Variants in LRP12 observed in about 807,000 individuals in gnomAD.
The protein encoded by LRP12 is LDL receptor related protein 12.
Under a neutral mutation model 66.0 loss-of-function variants are expected in LRP12, and 14 were observed. That is an observed-to-expected ratio of 0.21 (90% CI 0.14 to 0.33). The LOEUF is 0.33. LRP12 is among the 10% of genes least tolerant of loss of function. LRP12 has a pLI of 1.00. For missense variants in LRP12, 889 were observed against 1,053.4 expected, an observed-to-expected ratio of 0.84 and a Z score of 2.16; for synonymous variants, 357 against 359.1, an observed-to-expected ratio of 0.99 and a Z score of 0.07.
chr8:104,492,332 TTC>T (rs916142203), intron 6 of LRP12, among the ~76,000 whole-genome samples: 1 of 152,202 alleles, frequency 6.6e-6, no homozygotes, highest in Non-Finnish European at 1.5e-5. Flanking sequence ...AAAAAATCTA[TTC>T]TTTTTTCTAG....
At chr8:104,503,486 T>C (rs1810862086) in intron 3 of LRP12, among the ~76,000 whole-genome samples, 1 of 152,156 alleles carries the variant, frequency 6.6e-6, no homozygotes, top group African/African-American at 2.4e-5. Context: ...GTTTTTTAAA[T>C]GCTTCATAGT....
intron 1 of LRP12, among the ~76,000 whole-genome samples, chr8:104,547,817 A>G (rs866976242): frequency 3.4e-3 from 424 of 126,458 alleles, no homozygotes; most frequent in African/African-American, 0.012. Flanking sequence ...ATAATTCTAT[A>G]TACTTTGTAT....
rs770846647 is a variant in LRP12, at chr8:104,588,961, ACGACGCCGACGC to A, written c.-76_-65del. On this transcript the variant is annotated 5_prime_UTR_variant, in exon 1 of 7. Transcript: ENST00000276654. ...AGGAGGGAGGAGAAGCTGGAGGTAGACGACGCCGACGCCGCCGCCGCCGCCGCCGCCGCCGCC... is the reference window on the plus strand; with the variant it reads ...AGGAGGGAGGAGAAGCTGGAGGTAGACGCCGCCGCCGCCGCCGCCGCCGCC... 5.3e-5 allele frequency: 52 copies of A among 972,258 alleles called. No individual in the cohort carries two copies. In the African/African-American group the frequency reaches 1.9e-3, roughly 36 times the overall value. 60.2% of individuals were successfully genotyped at this position (972,258 alleles called of 1,614,324 possible). A position where few individuals can be genotyped will look rare whatever the true frequency, so the allele number is the denominator to read the frequency against.
intron 1 of LRP12, among the ~76,000 whole-genome samples, chr8:104,581,515 C>T (rs933843814): frequency 6.6e-6 from 1 of 151,624 alleles, no homozygotes; most frequent in Non-Finnish European, 1.5e-5. Flanking sequence ...TGCACATGTA[C>T]TCCTGAACTT....
Position 104,490,579 on chromosome 8 carries a change from CT to C in LRP12, c.*93del, listed in dbSNP as rs1810602849. 7 of 1,415,622 alleles carry C rather than the reference CT, an allele frequency of 4.9e-6. No individual in the cohort carries two copies. 87.7% of individuals were successfully genotyped at this position (1,415,622 alleles called of 1,614,324 possible). A position where few individuals can be genotyped will look rare whatever the true frequency, so the allele number is the denominator to read the frequency against. On this transcript the variant is annotated 3_prime_UTR_variant, in exon 7 of 7. Transcript: ENST00000276654. ...AATAAGAAATCACCCTGCATTTTTTCTTTTTAAACTAAAACTAGTTTAACTG... is the reference window on the plus strand; with the variant it reads ...AATAAGAAATCACCCTGCATTTTTTCTTTTAAACTAAAACTAGTTTAACTG...
intron 1 of LRP12, among the ~76,000 whole-genome samples, chr8:104,540,662 C>T (rs1811462322): frequency 6.6e-6 from 1 of 152,180 alleles, no homozygotes. Flanking sequence ...CTATTTCCCA[C>T]TTAAAATAAT....
intron 1 of LRP12, among the ~76,000 whole-genome samples, chr8:104,568,338 CCA>C (rs1812034921): frequency 6.6e-6 from 1 of 152,048 alleles, no homozygotes; most frequent in South Asian, 2.1e-4. Context: ...AAAAACCACA[CCA>C]GAGTAAACCC....
chr8:104,587,313 C>A (rs1249107431), intron 1 of LRP12, among the ~76,000 whole-genome samples: 2 of 152,192 alleles, frequency 1.3e-5, no homozygotes, highest in African/African-American at 4.8e-5. Flanking sequence ...ACTATACCCA[C>A]CTTCAGGGCA....
At chr8:104,513,326 G>A (rs750592613) in intron 2 of LRP12, among the ~76,000 whole-genome samples, 3 of 152,172 alleles carry the variant, frequency 2.0e-5, no homozygotes, top group Admixed American at 1.3e-4. Context: ...TTTTGGGGGC[G>A]CTATTAATAA....
intron 1 of LRP12, among the ~76,000 whole-genome samples, chr8:104,568,521 A>G (rs900824004): frequency 1.3e-5 from 2 of 152,196 alleles, no homozygotes; most frequent in Admixed American, 1.3e-4. Flanking sequence ...TGAAAATCAT[A>G]TATCAGATAA....
At chr8:104,540,796 C>T (rs955169593) in intron 1 of LRP12, among the ~76,000 whole-genome samples, 32 of 152,262 alleles carry the variant, frequency 2.1e-4, no homozygotes, top group Admixed American at 3.3e-4. Flanking sequence ...TGCTGTGGCA[C>T]GATCTCAGCT....
chr8:104,563,779 G>GA (rs1811952574), intron 1 of LRP12, among the ~76,000 whole-genome samples: 3 of 152,094 alleles, frequency 2.0e-5, no homozygotes, highest in Non-Finnish European at 2.9e-5. Context: ...GCCCTTACCA[G>GA]ACATCAAATC....
intron 1 of LRP12, among the ~76,000 whole-genome samples, chr8:104,547,184 CTATGT>C (rs1410221761): frequency 2.2e-5 from 3 of 135,698 alleles, no homozygotes; most frequent in South Asian, 2.3e-4. Flanking sequence ...ATATACAATT[CTATGT>C]TATATCATAT....
At chr8:104,546,965 CAT>C (rs199525976) in intron 1 of LRP12, among the ~76,000 whole-genome samples, 8 of 139,228 alleles carry the variant, frequency 5.7e-5, no homozygotes, top group Non-Finnish European at 1.1e-4. Flanking sequence ...AATTATATAT[CAT>C]ATATAATTCT....
At chr8:104,580,986 T>C (rs932255649) in intron 1 of LRP12, among the ~76,000 whole-genome samples, 2 of 152,270 alleles carry the variant, frequency 1.3e-5, no homozygotes, top group Admixed American at 1.3e-4. Flanking sequence ...GCATGTGTTA[T>C]GTTCCTTGTA....
chr8:104,543,739 T>C (rs1209449148), intron 1 of LRP12, among the ~76,000 whole-genome samples: 1 of 152,136 alleles, frequency 6.6e-6, no homozygotes, highest in Non-Finnish European at 1.5e-5. Context: ...CTTGACAACA[T>C]GGTGAAACCC....
intron 1 of LRP12, 75 bp downstream of exon 1, chr8:104,588,744 C>T (rs534446521): frequency 2.4e-4 from 318 of 1,339,910 alleles, no homozygotes; most frequent in South Asian, 1.6e-3. Context: ...AGGGGAACCC[C>T]CGTCCTGGAG....
intron 1 of LRP12, among the ~76,000 whole-genome samples, chr8:104,554,619 T>G (rs1026811898): frequency 3.3e-5 from 5 of 151,930 alleles, no homozygotes; most frequent in African/African-American, 1.2e-4. Flanking sequence ...TCCAAGAAAT[T>G]TGGGATTATG....
rs762985324 is a variant in LRP12, at chr8:104,491,560, C to T, written c.1714-21G>A. 3.4e-6 allele frequency: 5 copies of T among 1,471,246 alleles called. No individual in the cohort carries two copies. In the South Asian group the frequency reaches 5.1e-5, roughly 15 times the overall value. The allele number at this position is 1,471,246 out of a possible 1,614,324, so 91.1% of individuals were successfully genotyped here. On this transcript the variant is annotated intron_variant, in intron 6 of 6. Transcript: ENST00000276654. ...GAAGCCTACAAAAATAAGAAAAGAT[C>T]TTAAGATAGTTAACAACAAGGTACT...
Sources: gnomAD v4.1 joint callset for allele counts (sites outside exome capture counted in the v4.1 genomes callset) on GRCh38, gnomAD v4.1.1 for gene constraint, MANE v1.5 for transcripts, NCBI Gene and HGNC (gene_info 2026-07-23, HGNC 2026-07-21) for gene names.